SPTAN1: variants seen among roughly 807,000 people sequenced by gnomAD.
The protein encoded by SPTAN1 is spectrin alpha, non-erythrocytic 1.
A neutral mutation model predicts 331.3 loss-of-function variants in SPTAN1; 61 were observed. The observed-to-expected ratio is 0.18, with a 90% CI of 0.15 to 0.23. The LOEUF (loss-of-function observed/expected upper bound fraction) is 0.23. SPTAN1 is among the 10% of genes least tolerant of loss of function. SPTAN1 has a pLI of 1.00. For synonymous variants in SPTAN1, 1,153 were observed against 1,173.9 expected (o/e 0.98, Z 0.36); for missense variants, 2,043 against 3,147.9 (o/e 0.65, Z 8.40).
chr9:128,584,061 G>A (rs1391188086), intron 16 of SPTAN1, 92 bp downstream of exon 16: 10 of 1,544,758 alleles, frequency 6.5e-6, no homozygotes, highest in Non-Finnish European at 8.0e-6. Context: ...ATGAATTTTG[G>A]GAGGGATGAA....
chr9:128,600,972 G>GTTTTTTTTT (rs1474161366), intron 27 of SPTAN1, among the ~76,000 whole-genome samples: 63 of 22,218 alleles, frequency 2.8e-3, no homozygotes, highest in Non-Finnish European at 6.1e-3. Flanking sequence ...CAGGGAGAAA[G>GTTTTTTTTT]TCTTTTTTTT....
rs748059445 is a variant in SPTAN1, at chr9:128,578,153, G to A, written c.1129G>A (p.Val377Met). 20 of 1,614,162 alleles carry A rather than the reference G, an allele frequency of 1.2e-5. No individual in the cohort carries two copies. The highest frequency in any genetic ancestry group is 1.6e-5 in the Non-Finnish European group (19 of 1,180,034). The change falls in exon 9 of 57, where the codon GTG (valine) becomes ATG (methionine). Residue 377 changes from valine (V) to methionine (M), a missense_variant. Transcript: ENST00000372739. ...LADFRDLTSW[V>M]TEMKALINAD... Reference sequence around the variant, plus strand: ...TGACTTCCGTGACCTCACCAGCTGGGTGACTGAGATGAAAGCCCTCATCAA... The same window carrying A: ...TGACTTCCGTGACCTCACCAGCTGGATGACTGAGATGAAAGCCCTCATCAA...
chr9:128,633,006 C>T, intron 56 of SPTAN1, 51 bp downstream of exon 56: 1 of 1,605,210 alleles, frequency 6.2e-7, no homozygotes. Context: ...AAACTAAAGC[C>T]AAATTTGTGG....
At chr9:128,562,219 C>T (rs1849458973) in intron 1 of SPTAN1, among the ~76,000 whole-genome samples, 1 of 152,184 alleles carries the variant, frequency 6.6e-6, no homozygotes, top group Non-Finnish European at 1.5e-5. Flanking sequence ...TCTTCTGCCT[C>T]AGCCTCCCGA....
intron 41 of SPTAN1, 147 bp from the exon 42 acceptor site, chr9:128,617,493 G>A (rs1857317129): frequency 8.8e-7 from 1 of 1,138,592 alleles, no homozygotes; most frequent in Non-Finnish European, 1.3e-6. Context: ...CATTTGGGAA[G>A]TAGAGGCTTT....
intron 21 of SPTAN1, among the ~76,000 whole-genome samples, chr9:128,589,840 G>A (rs1051650901): frequency 2.0e-5 from 3 of 152,154 alleles, no homozygotes; most frequent in Non-Finnish European, 4.4e-5. Flanking sequence ...CTCCCAAAGT[G>A]CTGAGATTAC....
intron 26 of SPTAN1, chr9:128,599,874 T>C (rs1854853389): frequency 1.2e-5 from 7 of 607,814 alleles, no homozygotes; most frequent in African/African-American, 1.9e-5. Context: ...TTGGAATTTT[T>C]CTCTCCCCTG....
chr9:128,588,698 G>T, intron 20 of SPTAN1, 111 bp from the exon 21 acceptor site: 2 of 1,438,262 alleles, frequency 1.4e-6, no homozygotes, highest in Non-Finnish European at 1.9e-6. Flanking sequence ...ATTCTCATGA[G>T]TGTATATTTG....
chr9:128,632,089 G>T (rs536079066), intron 52 of SPTAN1, 38 bp from the exon 53 acceptor site: 49 of 1,605,166 alleles, frequency 3.1e-5, no homozygotes, highest in Non-Finnish European at 4.2e-5. Context: ...CTGAGCTGAG[G>T]GCCCCCGTCT....
At chr9:128,590,881 T>C (rs1853405118) in intron 21 of SPTAN1, among the ~76,000 whole-genome samples, 1 of 151,792 alleles carries the variant, frequency 6.6e-6, no homozygotes, top group Non-Finnish European at 1.5e-5. Flanking sequence ...CAATGAAAGT[T>C]AAGTGGGCAC....
At chr9:128,603,333 TACTC>T (rs960934667) in intron 27 of SPTAN1, among the ~76,000 whole-genome samples, 11 of 152,222 alleles carry the variant, frequency 7.2e-5, no homozygotes, top group African/African-American at 1.4e-4. Flanking sequence ...TAAAATTAAT[TACTC>T]AGTTGAGTCT....
Position 128,607,523 on chromosome 9 carries a change from A to G in SPTAN1, c.4047-81A>G, listed in dbSNP as rs939716537. The G allele has an allele frequency of 3.3e-6, 4 of 1,208,206 alleles. No individual in the cohort carries two copies. The African/African-American group carries it at 6.0e-5, about 18-fold the overall frequency. The allele number at this position is 1,208,206 out of a possible 1,614,324, so 74.8% of individuals were successfully genotyped here. A position where few individuals can be genotyped will look rare whatever the true frequency, so the allele number is the denominator to read the frequency against. On this transcript the variant is annotated intron_variant, in intron 31 of 56. Transcript: ENST00000372739. Reference sequence around the variant, plus strand: ...AAGATAACTTTCTGAGGCAAGAATTATGTCATTCTCTGTTTTCCTGGGCAG... The same window carrying G: ...AAGATAACTTTCTGAGGCAAGAATTGTGTCATTCTCTGTTTTCCTGGGCAG...
At chr9:128,582,938 A>C in intron 14 of SPTAN1, 89 bp downstream of exon 14, 1 of 1,595,146 alleles carries the variant, frequency 6.3e-7, no homozygotes, top group East Asian at 2.2e-5. Context: ...GGACGAAATA[A>C]GGGATTCCAG....
At chr9:128,626,989 AATTTTTGTAG>A (rs1858855994) in intron 49 of SPTAN1, 1 of 572,816 alleles carries the variant, frequency 1.7e-6, no homozygotes. Context: ...TAATTATTTT[AATTTTTGTAG>A]ACAGGGTGTT....
intron 41 of SPTAN1, among the ~76,000 whole-genome samples, chr9:128,617,286 A>G (rs997722466): frequency 1.3e-5 from 2 of 151,940 alleles, no homozygotes; most frequent in Non-Finnish European, 2.9e-5. Flanking sequence ...ATATCTTTGT[A>G]TATTTACAGA....
intron 2 of SPTAN1, among the ~76,000 whole-genome samples, chr9:128,568,483 A>C (rs1850291369): frequency 6.6e-6 from 1 of 152,226 alleles, no homozygotes; most frequent in Non-Finnish European, 1.5e-5. Context: ...AGCAAAAACA[A>C]AAAATTATTA....
chr9:128,604,465 G>C (rs1855566439), intron 29 of SPTAN1, 48 bp downstream of exon 29: 1 of 1,563,356 alleles, frequency 6.4e-7, no homozygotes, highest in Non-Finnish European at 8.7e-7. Context: ...GGTGACTGCT[G>C]GTTTCCTGAC....
intron 40 of SPTAN1, among the ~76,000 whole-genome samples, chr9:128,615,328 T>C (rs1857031115): frequency 6.6e-6 from 1 of 151,968 alleles, no homozygotes; most frequent in African/African-American, 2.4e-5. Context: ...TCACTGTGAG[T>C]GGGTGGCAGT....
intron 24 of SPTAN1, among the ~76,000 whole-genome samples, chr9:128,595,142 C>G (rs1418572013): frequency 6.6e-6 from 1 of 151,908 alleles, no homozygotes; most frequent in Non-Finnish European, 1.5e-5. Context: ...CAGAGTCTCA[C>G]TCTATCACCC....
Sources: allele counts gnomAD v4.1 joint callset (sites outside exome capture counted in the v4.1 genomes callset), GRCh38; gene constraint gnomAD v4.1.1; transcripts MANE v1.5; gene names NCBI Gene and HGNC (gene_info 2026-07-23, HGNC 2026-07-21).